The following KLF12 variants were observed in gnomAD, a reference collection of about 807,000 sequenced individuals.
KLF12 encodes the protein KLF transcription factor 12.
Under a neutral mutation model 37.8 loss-of-function variants are expected in KLF12, and 9 were observed. The ratio of observed to expected loss-of-function variants is 0.24; its 90% confidence interval spans 0.14 to 0.42. The LOEUF (loss-of-function observed/expected upper bound fraction) is 0.42. Ranked by LOEUF, KLF12 falls within the 10% of genes least tolerant of loss-of-function variation. KLF12 has a pLI of 1.00. For missense variants in KLF12, 411 were observed against 516.0 expected, an observed-to-expected ratio of 0.80 and a Z score of 1.97; for synonymous variants, 208 against 202.1, an observed-to-expected ratio of 1.03 and a Z score of -0.25.
the KLF12 span, among the ~76,000 whole-genome samples, chr13:74,272,522 C>T: frequency 2.6e-5 from 4 of 151,994 alleles, no homozygotes. Context: ...CACAAGAGGG[C>T]CTGAGATAAG....
At chr13:73,919,376 C>G (rs1209962884) in intron 3 of KLF12, among the ~76,000 whole-genome samples, 2 of 152,162 alleles carry the variant, frequency 1.3e-5, no homozygotes, top group African/African-American at 4.8e-5. Flanking sequence ...AAACAACTGC[C>G]TTTTATGATG....
At chr13:73,956,797 G>A (rs1890848542) in intron 2 of KLF12, among the ~76,000 whole-genome samples, 1 of 151,910 alleles carries the variant, frequency 6.6e-6, no homozygotes, top group African/African-American at 2.4e-5. Flanking sequence ...TCATGGTGGT[G>A]TGCACCTATA....
At chr13:73,790,767 G>A (rs1723976745) in intron 5 of KLF12, among the ~76,000 whole-genome samples, 1 of 152,192 alleles carries the variant, frequency 6.6e-6, no homozygotes, top group African/African-American at 2.4e-5. Flanking sequence ...CAAGGAAGGA[G>A]CAGATACCCT....
At chr13:74,287,728 A>T in the KLF12 span, among the ~76,000 whole-genome samples, 2 of 152,150 alleles carry the variant, frequency 1.3e-5, no homozygotes, top group Non-Finnish European at 1.5e-5. Context: ...TTACAAAAAT[A>T]GTGTTTAACC....
At chr13:74,178,732 A>G in the KLF12 span, among the ~76,000 whole-genome samples, 1 of 152,158 alleles carries the variant, frequency 6.6e-6, no homozygotes, top group African/African-American at 2.4e-5. Flanking sequence ...CTGCTTCTCT[A>G]TGGACCCCAA....
chr13:74,175,134 AT>A, the KLF12 span, among the ~76,000 whole-genome samples: 6 of 152,138 alleles, frequency 3.9e-5, no homozygotes, highest in Admixed American at 1.3e-4. Context: ...ACAAAAATAA[AT>A]TTTTTTTACC....
intron 1 of KLF12, among the ~76,000 whole-genome samples, chr13:74,111,721 G>GA (rs11438165): frequency 0.54 from 82,624 of 151,916 alleles, 27,536 homozygotes; most frequent in East Asian, 0.89. Flanking sequence ...TGCCAATGGG[G>GA]AAAAAAGGTC....
upstream of KLF12, among the ~76,000 whole-genome samples, chr13:74,135,220 C>A (rs1878501614): frequency 6.6e-6 from 1 of 152,040 alleles, no homozygotes; most frequent in Non-Finnish European, 1.5e-5. Context: ...CCTCGCCACC[C>A]CAGCGAAGGG....
chr13:74,096,520 G>A (rs570503436), intron 1 of KLF12, among the ~76,000 whole-genome samples: 77 of 152,302 alleles, frequency 5.1e-4, no homozygotes, highest in Non-Finnish European at 9.1e-4. Context: ...ATTCAATTAC[G>A]TAAGTTGATC....
intron 5 of KLF12, among the ~76,000 whole-genome samples, chr13:73,779,333 G>C (rs995908106): frequency 9.9e-5 from 15 of 152,126 alleles, no homozygotes; most frequent in African/African-American, 3.6e-4. Flanking sequence ...GGGGAGAGAG[G>C]CCTGGAGAGT....
the KLF12 span, among the ~76,000 whole-genome samples, chr13:74,166,035 G>T: frequency 6.7e-6 from 1 of 148,474 alleles, no homozygotes; most frequent in Non-Finnish European, 1.5e-5. Context: ...ATTGCTGGTT[G>T]TTAGTTCAGG....
chr13:74,046,306 A>G (rs1893541403), intron 1 of KLF12, among the ~76,000 whole-genome samples: 1 of 152,174 alleles, frequency 6.6e-6, no homozygotes, highest in Non-Finnish European at 1.5e-5. Context: ...GCAAATCCAC[A>G]ACTCCAAAAA....
chr13:73,700,375 T>G (rs958568338), intron 7 of KLF12, among the ~76,000 whole-genome samples: 1 of 151,832 alleles, frequency 6.6e-6, no homozygotes, highest in Admixed American at 6.6e-5. Context: ...TAATAAGGAA[T>G]GAAAACCTTT....
At chr13:73,812,876 T>C (rs1182933127) in intron 5 of KLF12, 1 of 285,062 alleles carries the variant, frequency 3.5e-6, no homozygotes, top group Non-Finnish European at 6.5e-6. Context: ...ATAACAATTT[T>C]TTTTTTTTTG....
At chr13:74,214,802 AT>A in the KLF12 span, among the ~76,000 whole-genome samples, 15 of 148,658 alleles carry the variant, frequency 1.0e-4, no homozygotes, top group East Asian at 3.9e-4. Context: ...TCCTTTAACC[AT>A]TTTTTTTTTG....
rs1884128607 is a variant in KLF12, at chr13:73,831,028, A to ATGTG, written c.670+14798_670+14799insCACA. Among the ~76,000 whole-genome samples the ATGTG allele has an allele frequency of 2.4e-3, 363 of 148,238 alleles. 1 individual carries two copies. Among genetic ancestry groups the ATGTG allele is most frequent in the African/African-American group, 8.9e-3 (353 of 39,822 alleles). On this transcript the variant is annotated intron_variant, in intron 4 of 7. Transcript: ENST00000377669. ...CACACACACACACACACACACACGC[A>ATGTG]TACTTATTTTACATACAGAATAGAT...
At chr13:73,966,702 T>G (rs547647096) in intron 2 of KLF12, among the ~76,000 whole-genome samples, 1 of 152,172 alleles carries the variant, frequency 6.6e-6, no homozygotes, top group Non-Finnish European at 1.5e-5. Context: ...CTTTCTCCTG[T>G]TCAAGAGACA....
intron 7 of KLF12, among the ~76,000 whole-genome samples, chr13:73,708,916 G>C (rs898230450): frequency 1.3e-5 from 2 of 152,146 alleles, no homozygotes; most frequent in Non-Finnish European, 2.9e-5. Context: ...CATGTACAGA[G>C]ACCCACAATT....
At chr13:74,186,080 T>A in the KLF12 span, among the ~76,000 whole-genome samples, 1 of 152,186 alleles carries the variant, frequency 6.6e-6, no homozygotes, top group East Asian at 1.9e-4. Context: ...ATACACCAGA[T>A]GATAACGTAT....
Sources: gnomAD v4.1 joint callset for allele counts (sites outside exome capture counted in the v4.1 genomes callset) on GRCh38, gnomAD v4.1.1 for gene constraint, MANE v1.5 for transcripts, NCBI Gene and HGNC (gene_info 2026-07-23, HGNC 2026-07-21) for gene names.